Variants in SLIT3 observed in about 807,000 individuals in gnomAD.
The protein encoded by SLIT3 is slit homolog 3 protein.
Under a neutral mutation model 184.0 loss-of-function variants are expected in SLIT3, and 68 were observed. The ratio of observed to expected loss-of-function variants is 0.37; its 90% CI spans 0.30 to 0.45. The LOEUF (loss-of-function observed/expected upper bound fraction) is 0.45, where lower values mean the gene tolerates loss of function less well. Among genes scored for constraint, SLIT3 ranks in the 20% least tolerant of loss-of-function variants. The pLI is 1.00. For missense variants in SLIT3, 1,707 were observed against 2,026.0 expected, an observed-to-expected ratio of 0.84 and a Z score of 3.02; for synonymous variants, 831 against 828.6, an observed-to-expected ratio of 1.00 and a Z score of -0.05.
chr5:169,124,143 T>A (rs930201366), intron 4 of SLIT3, among the ~76,000 whole-genome samples: 1 of 152,216 alleles, frequency 6.6e-6, no homozygotes, highest in Non-Finnish European at 1.5e-5. Context: ...CTTCAGTTAA[T>A]GTAAAAAAGA....
chr5:169,078,671 A>G (rs1250556700), intron 4 of SLIT3, among the ~76,000 whole-genome samples: 1 of 152,180 alleles, frequency 6.6e-6, no homozygotes, highest in Non-Finnish European at 1.5e-5. Context: ...AATGAGCACT[A>G]ATGAAAATAA....
chr5:169,043,817 C>G (rs1757529622), intron 4 of SLIT3, among the ~76,000 whole-genome samples: 1 of 152,186 alleles, frequency 6.6e-6, no homozygotes, highest in African/African-American at 2.4e-5. Flanking sequence ...CTCTGCCTTA[C>G]CAAAGGTAGG....
chr5:169,002,037 G>A (rs1391846127), intron 4 of SLIT3, among the ~76,000 whole-genome samples: 2 of 152,124 alleles, frequency 1.3e-5, no homozygotes, highest in Middle Eastern at 3.4e-3. Context: ...CAATGTGGCT[G>A]GTGTGGTGGT....
chr5:169,134,043 G>GGC (rs1262141069), intron 4 of SLIT3, among the ~76,000 whole-genome samples: 1 of 152,180 alleles, frequency 6.6e-6, no homozygotes, highest in Non-Finnish European at 1.5e-5. Flanking sequence ...AATAATGCAG[G>GGC]TTTTCTAAAT....
intron 20 of SLIT3, among the ~76,000 whole-genome samples, chr5:168,747,404 C>T (rs963044543): frequency 6.6e-6 from 1 of 152,176 alleles, no homozygotes; most frequent in Non-Finnish European, 1.5e-5. Context: ...CATTGTCTCT[C>T]CAATGTGAGC....
chr5:168,695,683 G>A (rs989151735), intron 28 of SLIT3, among the ~76,000 whole-genome samples: 4 of 152,088 alleles, frequency 2.6e-5, no homozygotes, highest in Non-Finnish European at 5.9e-5. Context: ...TTGTGTTTGG[G>A]GGGTAGGTGG....
chr5:169,049,390 T>C (rs891349965), intron 4 of SLIT3, among the ~76,000 whole-genome samples: 1 of 152,176 alleles, frequency 6.6e-6, no homozygotes, highest in Non-Finnish European at 1.5e-5. Flanking sequence ...GGAATCAACC[T>C]ACATATTTAC....
intron 4 of SLIT3, among the ~76,000 whole-genome samples, chr5:169,119,678 G>A (rs1431301478): frequency 1.3e-5 from 2 of 152,210 alleles, no homozygotes; most frequent in Non-Finnish European, 2.9e-5. Context: ...AGAGACAGAA[G>A]AACGTGTCTT....
At chr5:168,841,132 C>A (rs1055187219) in intron 6 of SLIT3, among the ~76,000 whole-genome samples, 1 of 152,256 alleles carries the variant, frequency 6.6e-6, no homozygotes, top group South Asian at 2.1e-4. Flanking sequence ...TGCTTCAGGG[C>A]AGCCAAACAC....
intron 3 of SLIT3, among the ~76,000 whole-genome samples, chr5:169,228,063 G>C (rs548483262): frequency 6.6e-6 from 1 of 152,314 alleles, no homozygotes; most frequent in South Asian, 2.1e-4. Context: ...AAATGACTAT[G>C]ATGGCCCTAC....
At chr5:168,880,466 G>T (rs1043933016) in intron 5 of SLIT3, among the ~76,000 whole-genome samples, 1 of 152,128 alleles carries the variant, frequency 6.6e-6, no homozygotes, top group Admixed American at 6.5e-5. Flanking sequence ...CACTTTGCAC[G>T]TACTATCTTT....
intron 8 of SLIT3, among the ~76,000 whole-genome samples, chr5:168,809,728 A>AT (rs1304571366): frequency 6.6e-6 from 1 of 152,208 alleles, no homozygotes; most frequent in Non-Finnish European, 1.5e-5. Flanking sequence ...ACCCATAAGC[A>AT]TACCTTGGCT....
chr5:169,142,129 GT>G (rs1761770443), intron 4 of SLIT3, among the ~76,000 whole-genome samples: 1 of 150,376 alleles, frequency 6.6e-6, no homozygotes, highest in African/African-American at 2.4e-5. Flanking sequence ...ATAAAGTCAG[GT>G]CATGAGGGTG....
intron 4 of SLIT3, among the ~76,000 whole-genome samples, chr5:169,161,926 C>A (rs545883870): frequency 6.6e-4 from 101 of 152,274 alleles, no homozygotes; most frequent in Non-Finnish European, 1.3e-3. Context: ...AACAGAGGGA[C>A]TACTACCTAG....
chr5:168,907,925 TTATATATATATTATACGTGTATATATA>T lies in SLIT3; in HGVS notation c.414-24616_414-24590del, dbSNP rs1429112405. Among the ~76,000 whole-genome samples, 409 of 125,968 alleles carry T rather than the reference TTATATATATATTATACGTGTATATATA, an allele frequency of 3.2e-3. 9 individuals carry two copies. The highest frequency in any genetic ancestry group is 0.03 in the East Asian group (114 of 3,762). The allele number at this position is 125,968 out of a possible 152,430, so 82.6% of individuals were successfully genotyped here. ...ATATATAGATCTATCTATATCTATT[TTATATATATATTATACGTGTATATATA>T]TATATATATATATATATATATATAT... On this transcript the variant is annotated intron_variant, in intron 4 of 35. Transcript: ENST00000519560.
At chr5:169,240,681 C>A (rs1765374235) in intron 3 of SLIT3, among the ~76,000 whole-genome samples, 1 of 146,870 alleles carries the variant, frequency 6.8e-6, no homozygotes, top group African/African-American at 2.5e-5. Flanking sequence ...AATACACTGA[C>A]AATCTATGTT....
chr5:168,947,426 C>T (rs1166818055), intron 4 of SLIT3, among the ~76,000 whole-genome samples: 1 of 152,160 alleles, frequency 6.6e-6, no homozygotes, highest in Non-Finnish European at 1.5e-5. Flanking sequence ...CCCCAGGCCC[C>T]TGCTCACTGC....
At position 169,076,152 on chromosome 5, in the gene SLIT3, G is replaced by T. The variant is rs182954021; in HGVS notation, c.413+117327C>A. ...GGCCTGGTGGTGACTCCTGTCCTTG[G>T]TCTGGCACTGGCCAAAGTGAGTTGC... On this transcript the variant is annotated intron_variant, in intron 4 of 35. Transcript: ENST00000519560. 2.0e-4 allele frequency among the ~76,000 whole-genome samples: 30 copies of T among 152,328 alleles called. No individual in the cohort carries two copies. The East Asian group carries it at 4.4e-3, about 23-fold the overall frequency.
At chr5:169,178,897 G>T (rs180751365) in intron 4 of SLIT3, among the ~76,000 whole-genome samples, 17 of 152,306 alleles carry the variant, frequency 1.1e-4, no homozygotes, top group Middle Eastern at 3.4e-3. Context: ...AGCAAATAAA[G>T]AGAGTCTCAA....
Sources: allele counts gnomAD v4.1 joint callset (sites outside exome capture counted in the v4.1 genomes callset), GRCh38; gene constraint gnomAD v4.1.1; transcripts MANE v1.5; gene names NCBI Gene and HGNC (gene_info 2026-07-23, HGNC 2026-07-21).